SNCAIP: variants seen among roughly 807,000 people sequenced by gnomAD.
SNCAIP encodes synphilin-1.
Under a neutral mutation model 86.7 loss-of-function variants are expected in SNCAIP, and 43 were observed. The observed-to-expected ratio is 0.50, with a 90% CI of 0.39 to 0.64. The LOEUF is 0.64. SNCAIP is among the 30% of genes least tolerant of loss of function. SNCAIP has a pLI of 0.00. For missense variants in SNCAIP, 981 were observed against 1,103.1 expected, an observed-to-expected ratio of 0.89 and a Z score of 1.57; for synonymous variants, 417 against 427.2, an observed-to-expected ratio of 0.98 and a Z score of 0.29.
chr5:122,459,014 A>C (rs963452322), intron 10 of SNCAIP, among the ~76,000 whole-genome samples: 1 of 152,146 alleles, frequency 6.6e-6, no homozygotes, highest in African/African-American at 2.4e-5. Context: ...AAAAGGACTG[A>C]GCCTGTCTTC....
intron 3 of SNCAIP, among the ~76,000 whole-genome samples, chr5:122,420,348 T>G (rs1776134991): frequency 6.6e-6 from 1 of 152,146 alleles, no homozygotes; most frequent in Non-Finnish European, 1.5e-5. Flanking sequence ...CACATGTAAA[T>G]AAAGCCAACA....
Position 122,463,561 on chromosome 5 carries a change from G to T in SNCAIP, c.*65G>T, listed in dbSNP as rs1260876243. 3 of 1,589,748 alleles carry T rather than the reference G, an allele frequency of 1.9e-6. No individual in the cohort carries two copies. The South Asian group carries it at 3.4e-5, about 18-fold the overall frequency. Reference sequence around the variant, plus strand: ...GCACATTGCTGAGCCAGAGTCAAAAGAACTCTTCTTGTAAATCACTTTTTA... The same window carrying T: ...GCACATTGCTGAGCCAGAGTCAAAATAACTCTTCTTGTAAATCACTTTTTA... On this transcript the variant is annotated 3_prime_UTR_variant, in exon 11 of 11. Transcript: ENST00000261368.
chr5:122,430,795 C>T (rs1561753002), intron 5 of SNCAIP, among the ~76,000 whole-genome samples: 1 of 151,924 alleles, frequency 6.6e-6, no homozygotes, highest in Non-Finnish European at 1.5e-5. Context: ...GAAAATCCTA[C>T]TCTTTTTTTT....
intron 3 of SNCAIP, among the ~76,000 whole-genome samples, chr5:122,406,937 G>A (rs1041563771): frequency 6.6e-6 from 1 of 151,954 alleles, no homozygotes; most frequent in African/African-American, 2.4e-5. Context: ...ATTTTGTATA[G>A]GTTGTCAAAT....
intron 10 of SNCAIP, among the ~76,000 whole-genome samples, chr5:122,456,152 G>A (rs1477366304): frequency 6.6e-6 from 1 of 152,140 alleles, no homozygotes; most frequent in Non-Finnish European, 1.5e-5. Flanking sequence ...TTGCCTGAGG[G>A]GTTAGGAAAC....
chr5:122,440,788 G>T lies in SNCAIP; in HGVS notation c.1422+34G>T, dbSNP rs764425323. The T allele has an allele frequency of 4.4e-6, 7 of 1,598,670 alleles. No individual in the cohort carries two copies. In the South Asian group the frequency reaches 7.7e-5, roughly 18 times the overall value. ...GCCCTGCTGTTTTGCAATGAGAAAT[G>T]AGTATATCAAATATTAAACAAAACA... On this transcript the variant is annotated intron_variant, in intron 7 of 10. Coordinates refer to ENST00000261368, the MANE Select transcript of SNCAIP (RefSeq NM_005460.4).
At chr5:122,457,418 C>T (rs1198232100) in intron 10 of SNCAIP, among the ~76,000 whole-genome samples, 1 of 152,158 alleles carries the variant, frequency 6.6e-6, no homozygotes. Flanking sequence ...CAGCCAGGTG[C>T]CTGAAGTTGG....
At chr5:122,394,525 G>T (rs1420487846) in intron 2 of SNCAIP, among the ~76,000 whole-genome samples, 1 of 152,206 alleles carries the variant, frequency 6.6e-6, no homozygotes, top group African/African-American at 2.4e-5. Context: ...ATAGCTGCAG[G>T]TCTGCAAGGG....
intron 2 of SNCAIP, among the ~76,000 whole-genome samples, chr5:122,391,886 C>T (rs763839058): frequency 9.2e-5 from 14 of 152,220 alleles, no homozygotes; most frequent in Non-Finnish European, 1.9e-4. Context: ...ATCAATTCTG[C>T]TACGCTAGCA....
intron 3 of SNCAIP, among the ~76,000 whole-genome samples, chr5:122,411,428 T>C (rs1039653502): frequency 1.3e-5 from 2 of 152,198 alleles, no homozygotes; most frequent in Admixed American, 6.5e-5. Context: ...GCTTCTGTTA[T>C]AGCATCTCTG....
intron 1 of SNCAIP, among the ~76,000 whole-genome samples, chr5:122,378,481 T>G (rs1468103977): frequency 5.6e-5 from 8 of 142,020 alleles, no homozygotes; most frequent in Non-Finnish European, 9.2e-5. Flanking sequence ...TTTCTCTCAT[T>G]TTGTAGGTTG....
At chr5:122,349,570 A>G (rs1376519985) in intron 1 of SNCAIP, among the ~76,000 whole-genome samples, 1 of 152,170 alleles carries the variant, frequency 6.6e-6, no homozygotes, top group African/African-American at 2.4e-5. Context: ...AGAAAGAGAA[A>G]ATTCTTAAGA....
At chr5:122,385,333 T>C (rs1017298405) in intron 1 of SNCAIP, among the ~76,000 whole-genome samples, 3 of 152,224 alleles carry the variant, frequency 2.0e-5, no homozygotes, top group African/African-American at 7.2e-5. Context: ...TGTTCATGTG[T>C]ACTTCTTGGC....
intron 1 of SNCAIP, among the ~76,000 whole-genome samples, chr5:122,313,163 G>GT (rs1443545584): frequency 6.6e-6 from 1 of 152,222 alleles, no homozygotes; most frequent in Non-Finnish European, 1.5e-5. Context: ...GAAACGTGTT[G>GT]TTTTTTCCTG....
At chr5:122,414,757 G>A (rs767521232) in intron 3 of SNCAIP, among the ~76,000 whole-genome samples, 31 of 152,196 alleles carry the variant, frequency 2.0e-4, no homozygotes, top group Non-Finnish European at 3.5e-4. Context: ...CAGTGTTACG[G>A]GAAGAAAGTT....
intron 1 of SNCAIP, among the ~76,000 whole-genome samples, chr5:122,372,592 A>G (rs944598559): frequency 3.9e-5 from 6 of 152,200 alleles, no homozygotes; most frequent in Admixed American, 2.6e-4. Context: ...CGAGCAATGT[A>G]TCTCAATGCC....
intron 10 of SNCAIP, among the ~76,000 whole-genome samples, chr5:122,462,517 C>T (rs1022924539): frequency 6.6e-6 from 1 of 152,096 alleles, no homozygotes; most frequent in Non-Finnish European, 1.5e-5. Flanking sequence ...CTTTCCCTTT[C>T]TTGCCCATGG....
intron 1 of SNCAIP, among the ~76,000 whole-genome samples, chr5:122,343,919 A>G (rs1224849233): frequency 3.3e-5 from 5 of 152,348 alleles, no homozygotes; most frequent in South Asian, 2.1e-4. Context: ...TTGATGGTCA[A>G]GTTGAAGTGG....
At chr5:122,444,444 T>C (rs1561787112) in intron 7 of SNCAIP, 119 bp from the exon 8 acceptor site, 1 of 867,388 alleles carries the variant, frequency 1.2e-6, no homozygotes, top group East Asian at 2.4e-5. Context: ...AGGTGTGTGA[T>C]ATTGACTGCT....
Sources: allele counts gnomAD v4.1 joint callset (sites outside exome capture counted in the v4.1 genomes callset), GRCh38; gene constraint gnomAD v4.1.1; transcripts MANE v1.5; gene names NCBI Gene and HGNC (gene_info 2026-07-23, HGNC 2026-07-21).